Variants in P2RY12 observed in about 807,000 individuals in gnomAD.
P2RY12 encodes the protein purinergic receptor P2Y12, also known as P2Y purinoceptor 12.
In P2RY12, 3 loss-of-function variants were observed where a neutral mutation model predicts 4.5. The ratio of observed to expected loss-of-function variants is 0.67; its 90% CI spans 0.31 to 1.74. P2RY12 has a LOEUF of 1.74. Ranked by LOEUF, P2RY12 falls within the 40% of genes most tolerant of loss-of-function variation. The pLI, the probability that P2RY12 is intolerant of heterozygous loss-of-function variation, is 0.09. For missense variants in P2RY12, 356 were observed against 407.8 expected (o/e 0.87, Z 1.09); for synonymous variants, 148 against 154.1 (o/e 0.96, Z 0.29).
intron 1 of P2RY12, among the ~76,000 whole-genome samples, chr3:151,369,941 G>A (rs1035041915): frequency 6.6e-6 from 1 of 152,080 alleles, no homozygotes; most frequent in East Asian, 1.9e-4. Context: ...TTCAGGAGCA[G>A]AACACCAGAA....
chr3:151,365,126 C>T, intron 1 of P2RY12: 1 of 1,614,058 alleles, frequency 6.2e-7, no homozygotes, highest in Non-Finnish European at 8.5e-7. Flanking sequence ...GCAAGATCCT[C>T]AGTGACAATG....
intron 1 of P2RY12, chr3:151,367,915 A>G (rs530157135): frequency 9.9e-7 from 1 of 1,005,918 alleles, no homozygotes; most frequent in African/African-American, 1.6e-5. Context: ...GAATTTTAAT[A>G]GTTATTTTAT....
At chr3:151,382,196 G>A (rs540567700) in intron 1 of P2RY12, among the ~76,000 whole-genome samples, 1 of 152,134 alleles carries the variant, frequency 6.6e-6, no homozygotes, top group Admixed American at 6.5e-5. Context: ...TCTTTATCAA[G>A]GAAGACACAT....
At chr3:151,376,516 T>A (rs1333604448) in intron 1 of P2RY12, among the ~76,000 whole-genome samples, 1 of 152,164 alleles carries the variant, frequency 6.6e-6, no homozygotes, top group Admixed American at 6.6e-5. Flanking sequence ...CATTTTGGAT[T>A]GGGATTGGTT....
At chr3:151,355,911 C>T (rs768198407) in intron 1 of P2RY12, 217 of 1,613,144 alleles carry the variant, frequency 1.3e-4, no homozygotes, top group Non-Finnish European at 1.7e-4. Flanking sequence ...TAACAATGTG[C>T]TAGAACAAAT....
chr3:151,376,630 A>G (rs1756886031), intron 1 of P2RY12, among the ~76,000 whole-genome samples: 1 of 152,182 alleles, frequency 6.6e-6, no homozygotes, highest in African/African-American at 2.4e-5. Context: ...ATTGGTTTGT[A>G]TCGCTACTGA....
At chr3:151,378,193 G>A (rs373074315) in intron 1 of P2RY12, 83 of 1,581,934 alleles carry the variant, frequency 5.2e-5, no homozygotes, top group Non-Finnish European at 6.2e-5. Flanking sequence ...GAAGATGGGC[G>A]TCTGTGTGAG....
intron 1 of P2RY12, chr3:151,372,799 T>G (rs1272391857): frequency 1.3e-6 from 2 of 1,555,990 alleles, no homozygotes; most frequent in East Asian, 4.5e-5. Context: ...TTACTTTGAG[T>G]ACGTAACTCT....
At chr3:151,372,420 C>G (rs1352251568) in intron 1 of P2RY12, 1 of 621,220 alleles carries the variant, frequency 1.6e-6, no homozygotes, top group South Asian at 2.0e-5. Context: ...GCTCTTGATC[C>G]ATTCTCTCTA....
At chr3:151,354,576 A>G (rs1401513948) in intron 1 of P2RY12, among the ~76,000 whole-genome samples, 1 of 152,200 alleles carries the variant, frequency 6.6e-6, no homozygotes, top group Non-Finnish European at 1.5e-5. Context: ...CCCCACCTTC[A>G]TTGTGGATAT....
chr3:151,377,596 G>A (rs1253633074), intron 1 of P2RY12, among the ~76,000 whole-genome samples: 3 of 152,190 alleles, frequency 2.0e-5, no homozygotes, highest in African/African-American at 7.2e-5. Context: ...AGGCTGATTT[G>A]TATTTCATCA....
At chr3:151,351,271 G>C (rs1290545797) in intron 1 of P2RY12, among the ~76,000 whole-genome samples, 1 of 152,180 alleles carries the variant, frequency 6.6e-6, no homozygotes, top group East Asian at 1.9e-4. Flanking sequence ...TGCACATGCA[G>C]AAACATGGTA....
intron 1 of P2RY12, chr3:151,350,022 C>A: frequency 6.3e-7 from 1 of 1,594,314 alleles, no homozygotes; most frequent in Non-Finnish European, 8.6e-7. Flanking sequence ...CCCACCCCTG[C>A]AGACAAGAGT....
intron 1 of P2RY12, among the ~76,000 whole-genome samples, chr3:151,358,319 C>A (rs1435236443): frequency 1.3e-5 from 2 of 151,972 alleles, no homozygotes; most frequent in African/African-American, 4.8e-5. Context: ...TTTAATAACT[C>A]AGCTACTGTA....
intron 1 of P2RY12, chr3:151,376,199 T>C: frequency 6.3e-7 from 1 of 1,587,746 alleles, no homozygotes; most frequent in African/African-American, 1.4e-5. Context: ...GACAGCACAT[T>C]AAGCGTATTC....
At chr3:151,379,915 G>A (rs1314515301) in intron 1 of P2RY12, among the ~76,000 whole-genome samples, 1 of 152,142 alleles carries the variant, frequency 6.6e-6, no homozygotes, top group African/African-American at 2.4e-5. Context: ...AGGGCAATTA[G>A]AGCATACGAA....
chr3:151,384,591 G>A (rs753258374), intron 1 of P2RY12, 101 bp downstream of exon 1: 11 of 189,736 alleles, frequency 5.8e-5, no homozygotes, highest in South Asian at 1.4e-4. Context: ...TCATTTGACC[G>A]ACCACTAACA....
chr3:151,365,867 A>G (rs770530941), intron 1 of P2RY12: 95 of 1,609,938 alleles, frequency 5.9e-5, no homozygotes, highest in Non-Finnish European at 7.9e-5. Context: ...GACATAGCCA[A>G]TTTCTCCTCT....
At chr3:151,347,955 C>G (rs761926615) in intron 1 of P2RY12, among the ~76,000 whole-genome samples, 2 of 152,130 alleles carry the variant, frequency 1.3e-5, no homozygotes, top group African/African-American at 4.8e-5. Flanking sequence ...AATTTGGAGC[C>G]ATAGTGATCC....
Sources: gnomAD v4.1 joint callset for allele counts (sites outside exome capture counted in the v4.1 genomes callset) on GRCh38, gnomAD v4.1.1 for gene constraint, MANE v1.5 for transcripts, NCBI Gene and HGNC (gene_info 2026-07-23, HGNC 2026-07-21) for gene names.